Variants in TMA16 observed in about 807,000 individuals in gnomAD.
TMA16 encodes the protein translation machinery-associated protein 16.
TMA16 carries 26 observed loss-of-function variants against 27.1 expected under a neutral mutation model. The ratio of observed to expected loss-of-function variants is 0.96; its 90% CI spans 0.70 to 1.33. The LOEUF (loss-of-function observed/expected upper bound fraction) is 1.33, where lower values mean the gene tolerates loss of function less well. TMA16 is among the 40% of genes most tolerant of loss of function. The pLI, the probability that TMA16 is intolerant of heterozygous loss-of-function variation, is 0.00. For missense variants in TMA16, 233 were observed against 241.4 expected (o/e 0.97, Z 0.23); for synonymous variants, 71 against 81.9 (o/e 0.87, Z 0.72).
rs1385455785 is a variant in TMA16 at position 163,520,192 on chromosome 4, G to A, written c.*678G>A. ...ATATTATTTTTTGCTTTTTTATTGT[G>A]AAAAGAGGTAGGTTTTATTTGTGGA... On this transcript the variant is annotated 3_prime_UTR_variant, in exon 7 of 7. Transcript: ENST00000358572. The A allele has an allele frequency of 1.3e-5, 4 of 309,458 alleles. No individual in the cohort carries two copies. The highest frequency in any genetic ancestry group is 6.1e-5 in the East Asian group (1 of 16,316). The allele number at this position is 309,458 out of a possible 1,614,324, so 19.2% of individuals were successfully genotyped here.
chr4:163,495,679 G>C (rs1178206411), intron 1 of TMA16, among the ~76,000 whole-genome samples: 1 of 151,892 alleles, frequency 6.6e-6, no homozygotes, highest in East Asian at 1.9e-4. Flanking sequence ...TTTATAATCT[G>C]GTCAGAAGTT....
chr4:163,504,016 C>T (rs993747528), intron 1 of TMA16, among the ~76,000 whole-genome samples: 6 of 152,066 alleles, frequency 3.9e-5, no homozygotes, highest in Non-Finnish European at 7.4e-5. Context: ...TAGCCAAGAT[C>T]GTATAAAGCT....
In TMA16 at chr4:163,512,562, T is replaced by C. The variant is rs11933405; in HGVS notation, c.117-260T>C. Reference sequence around the variant, plus strand: ...GTTCACAATTCAGAAAAGCTTTCAGTTGTGTTTTCAAAACTGGTTTGTTCT... The same window carrying C: ...GTTCACAATTCAGAAAAGCTTTCAGCTGTGTTTTCAAAACTGGTTTGTTCT... On this transcript the variant is annotated intron_variant, in intron 2 of 6. Transcript: ENST00000358572. 1,350 of 318,534 alleles carry C rather than the reference T, an allele frequency of 4.2e-3. 15 individuals carry two copies. Among genetic ancestry groups the C allele is most frequent in the African/African-American group, 0.025 (1,174 of 47,080 alleles). 19.7% of individuals were successfully genotyped at this position (318,534 alleles called of 1,614,324 possible). A position where few individuals can be genotyped will look rare whatever the true frequency, so the allele number is the denominator to read the frequency against.
At chr4:163,502,164 A>G (rs994754445) in intron 1 of TMA16, among the ~76,000 whole-genome samples, 14 of 152,320 alleles carry the variant, frequency 9.2e-5, no homozygotes, top group Middle Eastern at 3.4e-3. Flanking sequence ...TTGGAATAAC[A>G]TAAGTTGAGC....
At position 163,496,085 on chromosome 4, in the gene TMA16, A is replaced by G. The variant is rs1737548870; in HGVS notation, c.3+1281A>G. 2.0e-5 allele frequency among the ~76,000 whole-genome samples: 3 copies of G among 152,348 alleles called. No homozygotes were observed. The South Asian group carries it at 6.2e-4, about 32-fold the overall frequency. On this transcript the variant is annotated intron_variant, in intron 1 of 6. Transcript: ENST00000358572. The stretch of plus-strand genomic sequence containing the variant: ...GTACGTTGCTTTGGCATAGAAGTCA[A>G]AAGAGTGGCATATGAACCTGTTTTC...
rs368866857 is a variant in TMA16, at chr4:163,507,035, C to T, written c.6C>T (p.Pro2=). 6.3e-7 allele frequency: 1 copy of T among 1,581,250 alleles called. No individual in the cohort carries two copies. The highest frequency in any genetic ancestry group is 1.4e-5 in the African/African-American group (1 of 74,024). M[P]KAPKGKSAGR... is the part of the protein sequence containing the mutation. ...TCATGTGTTTTCATACATTTTAGCC[C>T]AAAGCACCAAAGGGAAAAAGTGCAG... Residue 2 remains proline, a splice_region_variant and synonymous_variant, in exon 2 of 7, where the codon CCC becomes CCT. Coordinates refer to ENST00000358572, the MANE Select transcript of TMA16 (RefSeq NM_018352.3).
At chr4:163,514,579 T>C (rs1473105506) in intron 4 of TMA16, among the ~76,000 whole-genome samples, 1 of 152,194 alleles carries the variant, frequency 6.6e-6, no homozygotes, top group Admixed American at 6.5e-5. Flanking sequence ...CAATAAGTGA[T>C]AGCTAGCTCA....
At chr4:163,515,165 G>C in intron 4 of TMA16, 148 bp from the exon 5 acceptor site, 1 of 721,818 alleles carries the variant, frequency 1.4e-6, no homozygotes, top group Non-Finnish European at 2.1e-6. Flanking sequence ...CCAGGGAATG[G>C]GTAAAAGAGG....
intron 2 of TMA16, 65 bp downstream of exon 2, chr4:163,507,210 A>G: frequency 1.5e-5 from 20 of 1,337,636 alleles, no homozygotes; most frequent in Non-Finnish European, 2.1e-5. Context: ...TTTATCTTTC[A>G]AACATATATC....
At chr4:163,496,227 T>C (rs577607811) in intron 1 of TMA16, among the ~76,000 whole-genome samples, 1 of 152,346 alleles carries the variant, frequency 6.6e-6, no homozygotes, top group African/African-American at 2.4e-5. Context: ...TGGGCACCTG[T>C]CTTTCCCTGA....
intron 1 of TMA16, among the ~76,000 whole-genome samples, chr4:163,499,776 C>A (rs1737618016): frequency 6.6e-6 from 1 of 151,668 alleles, no homozygotes; most frequent in African/African-American, 2.4e-5. Context: ...TGAATATTTT[C>A]TGTCCTCTGT....
At chr4:163,508,915 A>C (rs1405789893) in intron 2 of TMA16, among the ~76,000 whole-genome samples, 1 of 152,204 alleles carries the variant, frequency 6.6e-6, no homozygotes, top group African/African-American at 2.4e-5. Context: ...ATATGTATAT[A>C]TTGTCCTAAG....
intron 2 of TMA16, among the ~76,000 whole-genome samples, chr4:163,507,366 A>C (rs1258779361): frequency 2.0e-5 from 3 of 152,154 alleles, no homozygotes; most frequent in Non-Finnish European, 4.4e-5. Context: ...AGTGCCATGA[A>C]AAATTTAAAA....
rs376322366 is a variant in TMA16, at chr4:163,511,656, A to G, written c.117-1166A>G. ...TGAGACTCTGTCTCTACAAAAATAA[A>G]AGTAAAAAAAAAAAAAAAAGTAGCC... On this transcript the variant is annotated intron_variant, in intron 2 of 6. Transcript: ENST00000358572. Among the ~76,000 whole-genome samples the G allele has an allele frequency of 1.3e-4, 19 of 151,322 alleles. No homozygotes were observed. In the South Asian group the frequency reaches 4.0e-3, roughly 32 times the overall value.
chr4:163,498,290 T>G (rs1268316304), intron 1 of TMA16, among the ~76,000 whole-genome samples: 2 of 149,600 alleles, frequency 1.3e-5, no homozygotes, highest in Non-Finnish European at 3.0e-5. Context: ...TAAAAGATTT[T>G]TTTTTTTTTT....
In TMA16 at chr4:163,517,547, T is replaced by C. The variant is rs1478647491; in HGVS notation, c.431+71T>C. 3 of 1,386,112 alleles carry C rather than the reference T, an allele frequency of 2.2e-6. No homozygotes were observed. The African/African-American group carries it at 4.4e-5, about 20-fold the overall frequency. 85.9% of individuals were successfully genotyped at this position (1,386,112 alleles called of 1,614,324 possible). A position where few individuals can be genotyped will look rare whatever the true frequency, so the allele number is the denominator to read the frequency against. ...CTGACAGGTGAACTTTCTTCCCCTTTGAGTCTAGCCGGTAGAACTAAAAGA... is the reference window on the plus strand; with the variant it reads ...CTGACAGGTGAACTTTCTTCCCCTTCGAGTCTAGCCGGTAGAACTAAAAGA... On this transcript the variant is annotated intron_variant, in intron 6 of 6. Transcript: ENST00000358572.
At chr4:163,499,799 C>G (rs1399786160) in intron 1 of TMA16, among the ~76,000 whole-genome samples, 3 of 151,782 alleles carry the variant, frequency 2.0e-5, no homozygotes, top group Non-Finnish European at 4.4e-5. Context: ...GTAGAATACC[C>G]AGATGTGAAG....
At chr4:163,513,926 G>T in intron 3 of TMA16, 148 bp from the exon 4 acceptor site, 1 of 486,268 alleles carries the variant, frequency 2.1e-6, no homozygotes, top group East Asian at 3.4e-5. Flanking sequence ...GGTTTAATTA[G>T]CTTTGAGCCC....
At chr4:163,516,362 C>G (rs1737877120) in intron 5 of TMA16, among the ~76,000 whole-genome samples, 1 of 152,228 alleles carries the variant, frequency 6.6e-6, no homozygotes, top group East Asian at 1.9e-4. Flanking sequence ...CCCCTCTCCC[C>G]TCCTTATGTG....
Sources: allele counts gnomAD v4.1 joint callset (sites outside exome capture counted in the v4.1 genomes callset), GRCh38; gene constraint gnomAD v4.1.1; transcripts MANE v1.5; gene names NCBI Gene and HGNC (gene_info 2026-07-23, HGNC 2026-07-21).